Variants in NCOR2 observed in about 807,000 individuals in gnomAD.
NCOR2 encodes the protein CTG repeat protein 26.
In NCOR2, 81 loss-of-function variants were observed where a neutral mutation model predicts 262.9. The ratio of observed to expected loss-of-function variants is 0.31; its 90% CI spans 0.26 to 0.37. The LOEUF is 0.37. Among genes scored for constraint, NCOR2 ranks in the 10% least tolerant of loss-of-function variants. NCOR2 has a pLI of 1.00. For synonymous variants in NCOR2, 1,659 were observed against 1,559.3 expected, an observed-to-expected ratio of 1.06 and a Z score of -1.51; for missense variants, 3,385 against 3,621.4, an observed-to-expected ratio of 0.93 and a Z score of 1.68.
intron 4 of NCOR2, 61 bp from the exon 7 acceptor site, chr12:124,466,347 C>T (rs1166109717): frequency 1.3e-5 from 20 of 1,498,334 alleles, no homozygotes; most frequent in Non-Finnish European, 1.6e-5. Context: ...AGGGCTGCAG[C>T]CCCCAGGGCG....
chr12:124,379,123 C>T (rs2040230253), intron 17 of NCOR2, among the ~76,000 whole-genome samples: 1 of 52,968 alleles, frequency 1.9e-5, no homozygotes, highest in African/African-American at 5.8e-5. Context: ...AGGGAATGGG[C>T]CAGGCCAGGC....
intron 13 of NCOR2, among the ~76,000 whole-genome samples, chr12:124,411,839 G>A (rs977109539): frequency 1.3e-5 from 2 of 152,176 alleles, no homozygotes; most frequent in African/African-American, 2.4e-5. Context: ...AGCCGCTCAC[G>A]GCCGATCTCA....
chr12:124,490,789 C>T (rs1393278132), intron 1 of NCOR2, among the ~76,000 whole-genome samples: 1 of 152,248 alleles, frequency 6.6e-6, no homozygotes, highest in Non-Finnish European at 1.5e-5. Context: ...ACGTTGCCAA[C>T]TGCAACGAAG....
chr12:124,365,411 C>T (rs2038950503), intron 20 of NCOR2, among the ~76,000 whole-genome samples: 1 of 152,214 alleles, frequency 6.6e-6, no homozygotes, highest in South Asian at 2.1e-4. Flanking sequence ...TGCCTGGCGC[C>T]CAGAGGCACC....
intron 29 of NCOR2, 99 bp from the exon 32 acceptor site, chr12:124,348,010 C>A: frequency 1.4e-6 from 2 of 1,460,180 alleles, no homozygotes; most frequent in Non-Finnish European, 1.9e-6. Flanking sequence ...GTCATCCCCA[C>A]GATGATGGTG....
chr12:124,335,239 G>A (rs201815595), exon 40 of NCOR2: 42 of 1,608,974 alleles, frequency 2.6e-5, no homozygotes, highest in Admixed American at 2.5e-4. Flanking sequence ...AGCGGCCGCA[G>A]GTGTGGGAGG....
Position 124,548,869 on chromosome 12 carries a change from C to G in NCOR2, c.-164-13258G>C, listed in dbSNP as rs913534657. Among the ~76,000 whole-genome samples, 6 of 152,160 alleles carry G rather than the reference C, an allele frequency of 3.9e-5. No individual in the cohort carries two copies. In the East Asian group the frequency reaches 5.8e-4, roughly 15 times the overall value. On this transcript the variant is annotated intron_variant, in intron 1 of 32. Transcript: ENST00000458234. This position sits in a 1 kb window ranked among gnomAD's most constrained non-coding sequence, Gnocchi z 5.1. ...TCTTAAATGTCACTCTCCTCTCCCC[C>G]CAGCACTGCAGGGCTCTGATCTGCT...
rs913895817 is a variant in NCOR2 at position 124,327,459 on chromosome 12, A to C, written c.7133T>G (p.Met2378Arg). ...CCGTCCGTCAGCAGCGGTTATGGGC[A>C]TAGCAGCGGGCAGGCTGGCACTGGC... Residue 2378 changes from methionine (M) to arginine (R), a missense_variant, in exon 45 of 47, where the codon ATG (methionine) becomes AGG (arginine). Met to Arg is a moderately conservative substitution (Grantham distance 91, BLOSUM62 -1). Transcript: ENST00000405201. 1 of 1,613,170 alleles carries C rather than the reference A, an allele frequency of 6.2e-7. No individual in the cohort carries two copies. The highest frequency in any genetic ancestry group is 1.7e-5 in the Admixed American group (1 of 60,018).
rs1053478545 is a variant in NCOR2, at chr12:124,482,086, C to T, written c.411+1510G>A. 2.0e-5 allele frequency among the ~76,000 whole-genome samples: 3 copies of T among 152,124 alleles called. No individual in the cohort carries two copies. The highest frequency in any genetic ancestry group is 1.9e-4 in the East Asian group (1 of 5,186). On this transcript the variant is annotated intron_variant, in intron 3 of 46. Transcript: ENST00000405201. The surrounding 1 kb of genome is among the most constrained non-coding windows in gnomAD (Gnocchi z 6.3). ...GTGCCAACAAGAACACAGCTGCATC[C>T]GCCGGGGGAGGTTCCTGAGTGGGCT...
intron 11 of NCOR2, among the ~76,000 whole-genome samples, chr12:124,423,672 G>A (rs1208984584): frequency 6.6e-6 from 1 of 152,084 alleles, no homozygotes; most frequent in Non-Finnish European, 1.5e-5. Context: ...TTCCTTCCCT[G>A]CAAACCCCTC....
chr12:124,417,240 G>A (rs1417438070), intron 13 of NCOR2, among the ~76,000 whole-genome samples: 5 of 150,616 alleles, frequency 3.3e-5, no homozygotes, highest in Admixed American at 6.6e-5. Context: ...CGGACAGCAG[G>A]CCGGACACTC....
intron 20 of NCOR2, among the ~76,000 whole-genome samples, chr12:124,367,616 CTT>C (rs747409642): frequency 6.6e-6 from 1 of 152,110 alleles, no homozygotes; most frequent in African/African-American, 2.4e-5. Flanking sequence ...ACTCTCCCTT[CTT>C]TGTTTTATTT....
At chr12:124,477,825 G>A (rs186761918) in intron 3 of NCOR2, among the ~76,000 whole-genome samples, 5 of 152,276 alleles carry the variant, frequency 3.3e-5, no homozygotes, top group African/African-American at 1.2e-4. Flanking sequence ...AAGTTGCCAG[G>A]GGGCAGTGGG....
chr12:124,499,499 G>A (rs2048570629), upstream of NCOR2, among the ~76,000 whole-genome samples: 1 of 152,250 alleles, frequency 6.6e-6, no homozygotes, highest in South Asian at 2.1e-4. Flanking sequence ...AGAGGGTGAA[G>A]GCGAGGGGAT....
rs1285065563 is a variant in NCOR2, at chr12:124,335,599, A to G, written c.6149T>C (p.Val2050Ala). 6.2e-7 allele frequency: 1 copy of G among 1,606,666 alleles called. No homozygotes were observed. The highest frequency in any genetic ancestry group is 1.7e-5 in the Admixed American group (1 of 59,968). Residue 2050 changes from valine to alanine, a missense_variant, in exon 39 of 47, where the codon GTG becomes GCG. Val to Ala is a moderately conservative substitution (Grantham distance 64, BLOSUM62 0). Transcript: ENST00000405201. Reference sequence around the variant, plus strand: ...TGAGCTCACAGGGCTGACGGGCTCCACCCCTTCGGGGCTGTAGCTGCTGCC... The same window carrying G: ...TGAGCTCACAGGGCTGACGGGCTCCGCCCCTTCGGGGCTGTAGCTGCTGCC...
At chr12:124,496,769 G>A (rs1412621254), upstream of NCOR2, among the ~76,000 whole-genome samples, 1 of 152,066 alleles carries the variant, frequency 6.6e-6, no homozygotes, top group Non-Finnish European at 1.5e-5. The surrounding 1 kb of genome is among the most constrained non-coding windows in gnomAD (Gnocchi z 4.4). Context: ...ATGTGACCCG[G>A]TCCTGGCCAA....
intron 13 of NCOR2, among the ~76,000 whole-genome samples, chr12:124,412,848 T>C (rs919691109): frequency 3.3e-5 from 5 of 152,222 alleles, no homozygotes; most frequent in African/African-American, 7.2e-5. Context: ...CTTCCGGTGA[T>C]TCCGACATGC....
chr12:124,418,525 C>T lies in NCOR2; in HGVS notation c.1482+1432G>A, dbSNP rs959821625. On this transcript the variant is annotated intron_variant, in intron 13 of 46. Coordinates refer to ENST00000405201, the Ensembl canonical transcript of NCOR2. The stretch of plus-strand genomic sequence containing the variant: ...TAGAGGGTGCCACTATAGGGAGTAC[C>T]AGCCACCTTCTCCCACCTGCAGCCT... 4.6e-5 allele frequency among the ~76,000 whole-genome samples: 7 copies of T among 152,186 alleles called. 1 individual carries two copies. Among genetic ancestry groups the T allele is most frequent in the Admixed American group, 4.6e-4 (7 of 15,276 alleles).
Position 124,443,424 on chromosome 12 carries a change from G to A in NCOR2, c.816-5428C>T, listed in dbSNP as rs7980125. 0.57 allele frequency among the ~76,000 whole-genome samples: 87,362 copies of A among 152,164 alleles called. 26,906 individuals are homozygous for A. Among genetic ancestry groups the A allele is most frequent in the Non-Finnish European group, 0.68 (46,360 of 67,992 alleles). ...CAAACACATGTCAAGTCCGCAGGGT[G>A]CAAACTGCACAGTGCACAGGCCAGA... On this transcript the variant is annotated intron_variant, in intron 7 of 46. Transcript: ENST00000405201. This position sits in a 1 kb window ranked among gnomAD's most constrained non-coding sequence, Gnocchi z 4.4.
Sources: allele counts gnomAD v4.1 joint callset (sites outside exome capture counted in the v4.1 genomes callset), GRCh38; gene constraint gnomAD v4.1.1; non-coding constraint Gnocchi (gnomAD v3.1); transcripts MANE v1.5; gene names NCBI Gene and HGNC (gene_info 2026-07-23, HGNC 2026-07-21).